SPATA13: variants seen among roughly 807,000 people sequenced by gnomAD.
SPATA13 encodes the protein spermatogenesis-associated protein 13.
A neutral mutation model predicts 104.0 loss-of-function variants in SPATA13; 50 were observed. That is an observed-to-expected ratio of 0.48 (90% CI 0.38 to 0.61). The LOEUF is 0.61. Ranked by LOEUF, SPATA13 falls within the 20% of genes least tolerant of loss-of-function variation. The pLI is 0.00. For missense variants in SPATA13, 1,524 were observed against 1,690.6 expected (o/e 0.90, Z 1.73); for synonymous variants, 606 against 667.5 (o/e 0.91, Z 1.42).
intron 1 of SPATA13, among the ~76,000 whole-genome samples, chr13:24,178,046 G>C (rs940651785): frequency 4.6e-5 from 7 of 151,322 alleles, no homozygotes; most frequent in African/African-American, 1.7e-4. Context: ...TAGAGATGGG[G>C]TCTTATCATC....
chr13:24,120,614 A>G (rs2137823815), intron 3 of SPATA13, among the ~76,000 whole-genome samples: 1 of 152,150 alleles, frequency 6.6e-6, no homozygotes, highest in South Asian at 2.1e-4. Flanking sequence ...AAAAGGGGGG[A>G]CAGTAGTATT....
At chr13:24,300,541 C>T (rs779365016) in intron 12 of SPATA13, 66 bp downstream of exon 12, 20 of 1,465,858 alleles carry the variant, frequency 1.4e-5, no homozygotes, top group African/African-American at 8.4e-5. Flanking sequence ...TGGGAGCATA[C>T]CCCAAGTTGT....
At chr13:24,107,866 G>C (rs7988619) in intron 3 of SPATA13, among the ~76,000 whole-genome samples, 14,798 of 152,232 alleles carry the variant, frequency 0.097, 910 homozygotes, top group African/African-American at 0.17. Flanking sequence ...TCCTGTTATG[G>C]AAGATGCTCA....
chr13:23,997,125 TGAC>T (rs756776505), intron 2 of SPATA13, among the ~76,000 whole-genome samples: 16 of 152,250 alleles, frequency 1.1e-4, no homozygotes, highest in Non-Finnish European at 2.2e-4. Flanking sequence ...TTGAATATGA[TGAC>T]TTTTCTGCTT....
intron 2 of SPATA13, among the ~76,000 whole-genome samples, chr13:23,996,852 G>A (rs1875720568): frequency 6.6e-6 from 1 of 152,102 alleles, no homozygotes; most frequent in East Asian, 1.9e-4. Context: ...TGCTTTTATT[G>A]TCAGTCTCCT....
At chr13:24,228,358 G>T (rs576855974) in intron 2 of SPATA13, among the ~76,000 whole-genome samples, 1 of 151,562 alleles carries the variant, frequency 6.6e-6, no homozygotes, top group Non-Finnish European at 1.5e-5. Context: ...CTCGTGATCT[G>T]CCTGCCTCAG....
At chr13:24,122,218 T>G in intron 3 of SPATA13, 6 of 1,447,968 alleles carry the variant, frequency 4.1e-6, no homozygotes, top group Non-Finnish European at 5.8e-6. Flanking sequence ...ACTGTTTTCT[T>G]TGTTCTTCAG....
chr13:24,295,647 T>C (rs371442953), intron 10 of SPATA13, among the ~76,000 whole-genome samples: 10 of 145,612 alleles, frequency 6.9e-5, no homozygotes, highest in African/African-American at 2.3e-4. Context: ...ACAATGCCTG[T>C]AATAATGGTC....
intron 2 of SPATA13, among the ~76,000 whole-genome samples, chr13:23,996,796 G>A (rs2137666875): frequency 6.6e-6 from 1 of 152,286 alleles, no homozygotes; most frequent in Non-Finnish European, 1.5e-5. Flanking sequence ...TTGGCTTGTG[G>A]CCCCTCCTCC....
chr13:23,983,793 C>A, exon 2 of SPATA13: 2 of 736,436 alleles, frequency 2.7e-6, no homozygotes, highest in Non-Finnish European at 3.3e-6. Flanking sequence ...TAGGGGTGAC[C>A]TGTCTATCTG....
At chr13:24,027,120 T>C (rs1877256613) in intron 3 of SPATA13, among the ~76,000 whole-genome samples, 1 of 149,246 alleles carries the variant, frequency 6.7e-6, no homozygotes, top group African/African-American at 2.5e-5. Flanking sequence ...GTTCCTGATA[T>C]TTTTTGTTTA....
intron 2 of SPATA13, among the ~76,000 whole-genome samples, chr13:24,014,005 C>T (rs1482011297): frequency 6.6e-6 from 1 of 152,156 alleles, no homozygotes; most frequent in East Asian, 1.9e-4. Context: ...GCCTCCAAAC[C>T]CGTCACGCAA....
In SPATA13 at chr13:24,291,030, A is replaced by G. The variant is rs965144798; in HGVS notation, c.3080+146A>G. 2.6e-5 allele frequency: 17 copies of G among 649,080 alleles called. No homozygotes were observed. The Admixed American group carries it at 3.2e-4, about 12-fold the overall frequency. 40.2% of individuals were successfully genotyped at this position (649,080 alleles called of 1,614,324 possible). A position where few individuals can be genotyped will look rare whatever the true frequency, so the allele number is the denominator to read the frequency against. ...TGGGAGAAGTTTTCAGGTTGTTTAG[A>G]ATGTGTGCAATTAACTATTGAAATA... On this transcript the variant is annotated intron_variant, in intron 9 of 12. Transcript: ENST00000382108.
intron 3 of SPATA13, among the ~76,000 whole-genome samples, chr13:24,082,834 A>AAAAT (rs1879580471): frequency 6.9e-6 from 1 of 145,314 alleles, no homozygotes; most frequent in South Asian, 2.3e-4. Context: ...CTCAAAAAAA[A>AAAAT]AAAAAAAAAA....
chr13:24,154,577 T>C (rs192610825), intron 3 of SPATA13, among the ~76,000 whole-genome samples: 80 of 152,326 alleles, frequency 5.3e-4, no homozygotes, highest in Non-Finnish European at 1.1e-3. Flanking sequence ...AAATTTTCAG[T>C]ATTTTCATGT....
intron 3 of SPATA13, chr13:24,034,131 C>T (rs1440092287): frequency 6.6e-6 from 1 of 152,254 alleles, no homozygotes; most frequent in Middle Eastern, 3.4e-3. Context: ...CATTTAGCAG[C>T]TGTTTAAAAG....
intron 3 of SPATA13, among the ~76,000 whole-genome samples, chr13:24,047,854 T>C (rs1163239357): frequency 6.6e-6 from 1 of 152,200 alleles, no homozygotes; most frequent in East Asian, 1.9e-4. Flanking sequence ...GTCTGTAACC[T>C]GGAGATGTGG....
At chr13:23,997,677 T>A (rs1404353372) in intron 2 of SPATA13, among the ~76,000 whole-genome samples, 1 of 152,070 alleles carries the variant, frequency 6.6e-6, no homozygotes, top group Non-Finnish European at 1.5e-5. Flanking sequence ...TCAGGAAGCT[T>A]CTAATTACAG....
chr13:24,283,659 A>G (rs1379712661), intron 4 of SPATA13, among the ~76,000 whole-genome samples: 1 of 152,254 alleles, frequency 6.6e-6, no homozygotes, highest in African/African-American at 2.4e-5. Context: ...TACAGAGAGT[A>G]AGAATGATGG....
Sources: gnomAD v4.1 joint callset for allele counts (sites outside exome capture counted in the v4.1 genomes callset) on GRCh38, gnomAD v4.1.1 for gene constraint, MANE v1.5 for transcripts, NCBI Gene and HGNC (gene_info 2026-07-23, HGNC 2026-07-21) for gene names.